Variants in LARGE1 observed in about 807,000 individuals in gnomAD.
LARGE1 encodes LARGE xylosyl- and glucuronyltransferase 1.
In LARGE1, 43 loss-of-function variants were observed where a neutral mutation model predicts 87.6. The observed-to-expected ratio is 0.49, with a 90% CI of 0.38 to 0.63. The LOEUF (loss-of-function observed/expected upper bound fraction) is 0.63, where lower values mean the gene tolerates loss of function less well. Among genes scored for constraint, LARGE1 ranks in the 30% least tolerant of loss-of-function variants. The probability of loss-of-function intolerance (pLI) is 0.00; values close to 1 mark genes in which losing one functional copy is unlikely to be tolerated. For synonymous variants in LARGE1, 434 were observed against 394.6 expected (o/e 1.10, Z -1.18); for missense variants, 802 against 1,000.2 (o/e 0.80, Z 2.67).
At chr22:33,266,405 G>A (rs1011745825) in intron 11 of LARGE1, among the ~76,000 whole-genome samples, 12 of 151,222 alleles carry the variant, frequency 7.9e-5, no homozygotes, top group African/African-American at 1.7e-4. Context: ...CGTATTTTTA[G>A]TAGAGATGGG....
the LARGE1 span, among the ~76,000 whole-genome samples, chr22:33,128,612 T>G: frequency 7.0e-6 from 1 of 142,428 alleles, no homozygotes; most frequent in Admixed American, 7.6e-5. Flanking sequence ...AAGTGGAGGG[T>G]GCAGTGAGCC....
intron 6 of LARGE1, among the ~76,000 whole-genome samples, chr22:33,489,302 G>A (rs2069721016): frequency 6.6e-6 from 1 of 152,118 alleles, no homozygotes; most frequent in South Asian, 2.1e-4. Context: ...ATATTTAGAT[G>A]TTACCTTCCC....
At chr22:33,292,736 C>G (rs1037166860) in intron 12 of LARGE1, among the ~76,000 whole-genome samples, 4 of 152,144 alleles carry the variant, frequency 2.6e-5, no homozygotes, top group African/African-American at 9.7e-5. Context: ...CCTCTCGTGG[C>G]ATGCCAGTTT....
At chr22:33,257,516 T>G (rs941849477) in intron 11 of LARGE1, among the ~76,000 whole-genome samples, 3 of 152,114 alleles carry the variant, frequency 2.0e-5, no homozygotes, top group Non-Finnish European at 4.4e-5. Flanking sequence ...AATTCCAAGT[T>G]AATCTTAAAG....
intron 3 of LARGE1, among the ~76,000 whole-genome samples, chr22:33,634,425 G>A: frequency 6.6e-6 from 1 of 152,136 alleles, no homozygotes; most frequent in East Asian, 1.9e-4. Flanking sequence ...AGACTCTATA[G>A]TAAAAACTCA....
intron 1 of LARGE1, among the ~76,000 whole-genome samples, chr22:33,851,552 C>T (rs1381133826): frequency 6.6e-6 from 1 of 152,170 alleles, no homozygotes; most frequent in African/African-American, 2.4e-5. Context: ...TTTTATTCAC[C>T]AAGCGACTAT....
At chr22:33,104,945 T>TTC in the LARGE1 span, among the ~76,000 whole-genome samples, 2 of 137,564 alleles carry the variant, frequency 1.5e-5, no homozygotes, top group Non-Finnish European at 3.1e-5. Flanking sequence ...CTTTCTTTCT[T>TTC]TCTCTTTCTC....
Position 33,564,945 on chromosome 22 carries a change from A to G in LARGE1, c.690T>C (p.Thr230=), listed in dbSNP as rs753562472. The G allele has an allele frequency of 3.1e-6, 5 of 1,614,186 alleles. No individual in the cohort carries two copies. The highest frequency in any genetic ancestry group is 3.4e-6 in the Non-Finnish European group (4 of 1,180,008). The part of the protein sequence containing the change: ...YGLMKLVLTK[T]LPANLERVIV... The stretch of plus-strand genomic sequence containing the variant: ...TGACTCTCTCCAGGTTGGCAGGAAG[A>G]GTCTTGGTCAGGACAAGCTTCATCA... The change falls in exon 6 of 15, where the codon ACT becomes ACC. Residue 230 remains threonine (T), a synonymous_variant. Coordinates refer to ENST00000397394, the MANE Select transcript of LARGE1 (RefSeq NM_133642.5).
chr22:33,502,263 C>T (rs530507493), intron 6 of LARGE1, among the ~76,000 whole-genome samples: 67 of 151,008 alleles, frequency 4.4e-4, no homozygotes, highest in Admixed American at 3.2e-3. Flanking sequence ...GTGACAGCGG[C>T]GGTGAGCTGA....
intron 6 of LARGE1, among the ~76,000 whole-genome samples, chr22:33,507,574 T>C (rs1213748147): frequency 6.6e-6 from 1 of 152,150 alleles, no homozygotes; most frequent in Non-Finnish European, 1.5e-5. Context: ...AGTTATTATA[T>C]ATATTAATAG....
chr22:33,746,020 C>T (rs956753720), intron 2 of LARGE1, among the ~76,000 whole-genome samples: 1 of 152,206 alleles, frequency 6.6e-6, no homozygotes, highest in Non-Finnish European at 1.5e-5. Context: ...GGTTCAATCT[C>T]AGCTTTACCT....
intron 7 of LARGE1, among the ~76,000 whole-genome samples, chr22:33,422,655 G>A (rs1243180280): frequency 2.6e-5 from 4 of 152,018 alleles, no homozygotes; most frequent in South Asian, 2.1e-4. Context: ...GATCACAGGT[G>A]CATGCCACCA....
At chr22:33,735,053 G>T (rs1300235444) in intron 2 of LARGE1, among the ~76,000 whole-genome samples, 1 of 152,110 alleles carries the variant, frequency 6.6e-6, no homozygotes, top group East Asian at 1.9e-4. Context: ...AGAAGAAACA[G>T]AACAAAAGCT....
chr22:33,873,720 C>T (rs953604715), intron 1 of LARGE1, among the ~76,000 whole-genome samples: 8 of 152,126 alleles, frequency 5.3e-5, no homozygotes, highest in Admixed American at 6.6e-5. Context: ...GATTCATATG[C>T]CATTCTTTAC....
chr22:33,721,244 C>T (rs1159691968), intron 2 of LARGE1, among the ~76,000 whole-genome samples: 2 of 152,188 alleles, frequency 1.3e-5, no homozygotes, highest in Admixed American at 1.3e-4. Context: ...ACCCTGAAAT[C>T]CTGGCTTTCC....
chr22:33,922,105 G>A (rs1054250738), upstream of LARGE1, among the ~76,000 whole-genome samples: 2 of 152,074 alleles, frequency 1.3e-5, no homozygotes, highest in East Asian at 1.9e-4. Context: ...CCGGGTCTTT[G>A]CCTTCCCTCT....
intron 5 of LARGE1, among the ~76,000 whole-genome samples, chr22:33,600,400 G>C (rs2079082250): frequency 6.6e-6 from 1 of 152,186 alleles, no homozygotes; most frequent in African/African-American, 2.4e-5. Flanking sequence ...ATAGGAGATA[G>C]ACATCTATTA....
intron 10 of LARGE1, among the ~76,000 whole-genome samples, chr22:33,322,978 T>C (rs568033067): frequency 5.2e-4 from 79 of 152,054 alleles, no homozygotes; most frequent in African/African-American, 1.8e-3. Flanking sequence ...AAAAATTAGC[T>C]GGGTGCAGTG....
intron 7 of LARGE1, among the ~76,000 whole-genome samples, chr22:33,391,198 G>A (rs116963584): frequency 0.025 from 3,730 of 152,168 alleles, 68 homozygotes; most frequent in Non-Finnish European, 0.034. Context: ...AAGTCATTTC[G>A]TCTATGATTC....
Sources: allele counts gnomAD v4.1 joint callset (sites outside exome capture counted in the v4.1 genomes callset), GRCh38; gene constraint gnomAD v4.1.1; transcripts MANE v1.5; gene names NCBI Gene and HGNC (gene_info 2026-07-23, HGNC 2026-07-21).